The following PSMA1 variants were observed in gnomAD, a reference collection of about 807,000 sequenced individuals.
The protein encoded by PSMA1 is proteasome 20S subunit alpha 1.
A neutral mutation model predicts 38.4 loss-of-function variants in PSMA1; 3 were observed. That is an observed-to-expected ratio of 0.08 (90% confidence interval 0.04 to 0.20). PSMA1 has a LOEUF of 0.20. Ranked by LOEUF, PSMA1 falls within the 10% of genes least tolerant of loss-of-function variation. The pLI is 1.00. For missense variants in PSMA1, 227 were observed against 325.3 expected, an observed-to-expected ratio of 0.70 and a Z score of 2.32; for synonymous variants, 101 against 107.1, an observed-to-expected ratio of 0.94 and a Z score of 0.35.
intron 2 of PSMA1, among the ~76,000 whole-genome samples, chr11:14,606,897 T>C (rs1359266786): frequency 6.6e-6 from 1 of 152,180 alleles, no homozygotes; most frequent in African/African-American, 2.4e-5. Context: ...GTGGCTTAGA[T>C]GTGTGGGAAT....
At chr11:14,549,394 G>C (rs1405024763) in intron 2 of PSMA1, among the ~76,000 whole-genome samples, 1 of 152,066 alleles carries the variant, frequency 6.6e-6, no homozygotes, top group Non-Finnish European at 1.5e-5. Context: ...TCCTGAAATG[G>C]AAATCAAACC....
intron 2 of PSMA1, among the ~76,000 whole-genome samples, chr11:14,580,972 G>A (rs1351399424): frequency 1.3e-5 from 2 of 152,202 alleles, no homozygotes; most frequent in African/African-American, 4.8e-5. Flanking sequence ...AGGAATGACA[G>A]ATGAACTACA....
intron 1 of PSMA1, among the ~76,000 whole-genome samples, chr11:14,624,999 A>G (rs1852894059): frequency 1.3e-5 from 2 of 152,154 alleles, no homozygotes; most frequent in Non-Finnish European, 2.9e-5. Flanking sequence ...CTCAAGCCCA[A>G]CTGCAGCAAT....
At chr11:14,636,002 T>C (rs1853109187) in intron 1 of PSMA1, among the ~76,000 whole-genome samples, 1 of 152,106 alleles carries the variant, frequency 6.6e-6, no homozygotes, top group Non-Finnish European at 1.5e-5. Context: ...TTAAACTTAT[T>C]TTTTTTACAC....
intron 2 of PSMA1, among the ~76,000 whole-genome samples, chr11:14,604,147 C>T (rs1423110223): frequency 4.6e-5 from 7 of 152,216 alleles, no homozygotes; most frequent in African/African-American, 1.7e-4. Context: ...GCAGCCTCCA[C>T]CTCCTGGGTT....
Position 14,505,022 on chromosome 11 carries a change from A to C in PSMA1, c.*170T>G, listed in dbSNP as rs1851221913. On this transcript the variant is annotated 3_prime_UTR_variant, in exon 10 of 10. Coordinates refer to ENST00000396394, the MANE Select transcript of PSMA1 (RefSeq NM_002786.4). ...CTTTCAAAGAAAAATGTATTCCATT[A>C]TATAGGTTTCAGTGAGGTTGCTTGG... is the stretch of plus-strand genomic sequence containing the variant. 3.1e-6 allele frequency: 2 copies of C among 647,686 alleles called. No individual in the cohort carries two copies. The allele number at this position is 647,686 out of a possible 1,614,324, so 40.1% of individuals were successfully genotyped here.
At chr11:14,570,370 C>T (rs1051170306) in intron 2 of PSMA1, among the ~76,000 whole-genome samples, 4 of 152,290 alleles carry the variant, frequency 2.6e-5, no homozygotes, top group South Asian at 2.1e-4. Context: ...ATGACTTAGA[C>T]GAGTTGAGAG....
intron 2 of PSMA1, among the ~76,000 whole-genome samples, chr11:14,545,649 T>C (rs986548478): frequency 1.3e-5 from 2 of 152,240 alleles, no homozygotes; most frequent in Non-Finnish European, 2.9e-5. Context: ...ATGTTGTTCC[T>C]TTTTTAATTA....
intron 1 of PSMA1, among the ~76,000 whole-genome samples, chr11:14,628,047 G>T (rs1324681909): frequency 1.3e-5 from 2 of 152,168 alleles, no homozygotes; most frequent in Non-Finnish European, 2.9e-5. Context: ...TCCACCTCCT[G>T]TCAGATCAGC....
At chr11:14,632,772 G>T (rs1412547748) in intron 1 of PSMA1, among the ~76,000 whole-genome samples, 1 of 150,742 alleles carries the variant, frequency 6.6e-6, no homozygotes, top group African/African-American at 2.4e-5. Context: ...TTTCCAACTT[G>T]GTTCCATTCT....
intron 2 of PSMA1, among the ~76,000 whole-genome samples, chr11:14,595,461 G>A (rs558353763): frequency 6.6e-6 from 1 of 152,270 alleles, no homozygotes; most frequent in Non-Finnish European, 1.5e-5. Context: ...AGCATGAGAT[G>A]GTATCTCATT....
chr11:14,574,894 C>T (rs190282008), intron 2 of PSMA1, among the ~76,000 whole-genome samples: 7 of 152,216 alleles, frequency 4.6e-5, no homozygotes, highest in African/African-American at 1.7e-4. Flanking sequence ...TGGGGTGCTG[C>T]TATAAGGATA....
At chr11:14,519,248 T>C (rs1365799064) in intron 1 of PSMA1, 1 of 621,828 alleles carries the variant, frequency 1.6e-6, no homozygotes, top group Middle Eastern at 2.6e-4. Context: ...CAGATCTAAA[T>C]GGGTCCTATT....
intron 1 of PSMA1, among the ~76,000 whole-genome samples, chr11:14,638,329 T>C (rs1348046997): frequency 1.3e-5 from 2 of 152,010 alleles, no homozygotes; most frequent in African/African-American, 4.8e-5. Flanking sequence ...GTGTTTCACT[T>C]AGCAGTTAAT....
intron 8 of PSMA1, among the ~76,000 whole-genome samples, chr11:14,510,510 G>A (rs1851326795): frequency 6.6e-6 from 1 of 151,890 alleles, no homozygotes; most frequent in Non-Finnish European, 1.5e-5. Context: ...TAGGATGTAC[G>A]TTCCATGAAG....
At chr11:14,525,649 C>T (rs184663367) in intron 2 of PSMA1, among the ~76,000 whole-genome samples, 6 of 152,232 alleles carry the variant, frequency 3.9e-5, no homozygotes, top group African/African-American at 1.2e-4. Context: ...GTGCGCAACC[C>T]GTACACTCTT....
At chr11:14,588,902 C>T (rs1255510730) in intron 2 of PSMA1, among the ~76,000 whole-genome samples, 1 of 152,206 alleles carries the variant, frequency 6.6e-6, no homozygotes, top group African/African-American at 2.4e-5. Flanking sequence ...GCCTTTGCAG[C>T]TGCTGTTCTA....
intron 1 of PSMA1, among the ~76,000 whole-genome samples, chr11:14,625,470 A>G (rs1418194268): frequency 6.6e-6 from 1 of 152,140 alleles, no homozygotes; most frequent in Non-Finnish European, 1.5e-5. Context: ...TTTGTCACTC[A>G]AATCTTCTGC....
intron 2 of PSMA1, among the ~76,000 whole-genome samples, chr11:14,585,713 C>T (rs537683243): frequency 1.3e-5 from 2 of 152,202 alleles, no homozygotes; most frequent in Non-Finnish European, 2.9e-5. Flanking sequence ...TTATCCCATT[C>T]TCTGTTCTGC....
Sources: allele counts gnomAD v4.1 joint callset (sites outside exome capture counted in the v4.1 genomes callset), GRCh38; gene constraint gnomAD v4.1.1; transcripts MANE v1.5; gene names NCBI Gene and HGNC (gene_info 2026-07-23, HGNC 2026-07-21).